MPDZ: variants seen among roughly 807,000 people sequenced by gnomAD.
The protein encoded by MPDZ is multiple PDZ domain protein.
MPDZ carries 234 observed loss-of-function variants against 239.1 expected under a neutral mutation model. That is an observed-to-expected ratio of 0.98 (90% confidence interval 0.88 to 1.09). MPDZ has a LOEUF of 1.09. Ranked by LOEUF, MPDZ falls within the 50% of genes least tolerant of loss-of-function variation. The pLI, the probability that MPDZ is intolerant of heterozygous loss-of-function variation, is 0.00. For missense variants in MPDZ, 3,175 were observed against 2,510.0 expected (o/e 1.26, Z -5.66); for synonymous variants, 1,048 against 881.3 (o/e 1.19, Z -3.35).
Position 13,110,712 on chromosome 9 carries a change from C to T in MPDZ, c.5753G>A (p.Gly1918Asp), listed in dbSNP as rs751005173. ...GTGAGTCATGCCCTCAGTGGATGTGCCACAGATGGTGACAATCCTATCCCC... is the reference window on the plus strand; with the variant it reads ...GTGAGTCATGCCCTCAGTGGATGTGTCACAGATGGTGACAATCCTATCCCC... ...RVGDRIVTIC[G>D]TSTEGMTHTQ... is the part of the protein sequence containing the mutation. The change falls in exon 44 of 47, where the codon GGC (glycine) becomes GAC (aspartate). Residue 1918 changes from glycine (G) to aspartate (D), a missense_variant. Transcript: ENST00000319217. 2 of 1,613,348 alleles carry T rather than the reference C, an allele frequency of 1.2e-6. No individual in the cohort carries two copies. Among genetic ancestry groups the T allele is most frequent in the Non-Finnish European group, 1.7e-6 (2 of 1,179,636 alleles).
At chr9:13,220,167 C>G (rs1958914176) in intron 7 of MPDZ, among the ~76,000 whole-genome samples, 1 of 151,842 alleles carries the variant, frequency 6.6e-6, no homozygotes. Flanking sequence ...TGGTATAAAC[C>G]ACAAGAAAGC....
intron 1 of MPDZ, among the ~76,000 whole-genome samples, chr9:13,266,950 C>T (rs1256114634): frequency 3.3e-5 from 5 of 152,102 alleles, no homozygotes; most frequent in South Asian, 4.1e-4. Flanking sequence ...CATATCATTT[C>T]GCTGATGTAA....
At chr9:13,224,845 G>A (rs1960022722) in intron 3 of MPDZ, among the ~76,000 whole-genome samples, 2 of 151,972 alleles carry the variant, frequency 1.3e-5, no homozygotes, top group African/African-American at 2.4e-5. Context: ...CAACTTCAGG[G>A]TACTCATTAA....
chr9:13,118,923 G>C (rs535686162), intron 39 of MPDZ, among the ~76,000 whole-genome samples: 420 of 152,242 alleles, frequency 2.8e-3, no homozygotes, highest in South Asian at 8.3e-3. Context: ...ATAATCCCCA[G>C]TGAAGGTACT....
At position 13,110,023 on chromosome 9, in the gene MPDZ, C is replaced by T; in HGVS notation, c.5871G>A (p.Gln1957=). 2 of 1,613,352 alleles carry T rather than the reference C, an allele frequency of 1.2e-6. No individual in the cohort carries two copies. Among genetic ancestry groups the T allele is most frequent in the East Asian group, 2.2e-5 (1 of 44,856 alleles). The stretch of plus-strand genomic sequence containing the variant: ...AAAGACTGGAACTTGCAGGCTCCTG[C>T]TGATGACCTGTGACCACACTCACGT... The part of the protein sequence containing the change: ...GGDVSVVTGH[Q]QEPASSSLSF... Residue 1957 remains glutamine (Q), a synonymous_variant, in exon 45 of 47, where the codon CAG becomes CAA. Coordinates refer to ENST00000319217, the MANE Select transcript of MPDZ (RefSeq NM_001378778.1).
chr9:13,177,074 C>T (rs932486541), intron 19 of MPDZ, among the ~76,000 whole-genome samples: 5 of 152,054 alleles, frequency 3.3e-5, no homozygotes, highest in Non-Finnish European at 7.4e-5. Flanking sequence ...ATCACAGAAC[C>T]TCTCTTTATA....
chr9:13,226,609 C>T (rs778617214), intron 3 of MPDZ, among the ~76,000 whole-genome samples: 13 of 152,088 alleles, frequency 8.5e-5, no homozygotes, highest in African/African-American at 2.7e-4. Context: ...AGTCCTCCTT[C>T]GCATTCCTAT....
At chr9:13,217,551 G>A (rs924167616) in intron 8 of MPDZ, among the ~76,000 whole-genome samples, 3 of 151,704 alleles carry the variant, frequency 2.0e-5, no homozygotes, top group African/African-American at 7.3e-5. Context: ...TATTGTTTGC[G>A]TACAATAAAT....
At chr9:13,116,575 T>C (rs532630819) in intron 39 of MPDZ, among the ~76,000 whole-genome samples, 4 of 152,162 alleles carry the variant, frequency 2.6e-5, no homozygotes, top group Non-Finnish European at 5.9e-5. Flanking sequence ...TTGGGGTTTC[T>C]TACCAAACTC....
intron 6 of MPDZ, among the ~76,000 whole-genome samples, chr9:13,221,787 A>G (rs1959136162): frequency 6.6e-6 from 1 of 152,016 alleles, no homozygotes; most frequent in Non-Finnish European, 1.5e-5. Context: ...ACTTCTTTAA[A>G]AAAAAAGAAA....
At chr9:13,189,107 T>C in intron 16 of MPDZ, 114 bp from the exon 17 acceptor site, 1 of 850,414 alleles carries the variant, frequency 1.2e-6, no homozygotes, top group Non-Finnish European at 1.8e-6. Flanking sequence ...TTTAAAAATT[T>C]TCATGCCAAA....
At chr9:13,114,528 G>C (rs1223533766) in intron 40 of MPDZ, among the ~76,000 whole-genome samples, 1 of 152,134 alleles carries the variant, frequency 6.6e-6, no homozygotes, top group African/African-American at 2.4e-5. Flanking sequence ...TTTATACATG[G>C]TGCTGAGTAT....
rs1954108895 is a variant in MPDZ at position 13,186,373 on chromosome 9, T to C, written c.2378A>G (p.Glu793Gly). The change falls in exon 18 of 47, where the codon GAA becomes GGA. Residue 793 changes from glutamate to glycine, a missense_variant. Glu to Gly is a moderately conservative substitution (Grantham distance 98). Coordinates refer to ENST00000319217, the MANE Select transcript of MPDZ (RefSeq NM_001378778.1). ...VAKPLPLSPE[E>G]GYVSAKEDSF... ...ATCCTCCTTAGCAGAAACATAACCTTCTTCTGGTGAAAGCTGCAGGGAAAA... is the reference window on the plus strand; with the variant it reads ...ATCCTCCTTAGCAGAAACATAACCTCCTTCTGGTGAAAGCTGCAGGGAAAA... The C allele has an allele frequency of 3.2e-6, 5 of 1,575,252 alleles. No homozygotes were observed. The highest frequency in any genetic ancestry group is 3.5e-6 in the Non-Finnish European group (4 of 1,158,792).
intron 19 of MPDZ, among the ~76,000 whole-genome samples, chr9:13,181,209 G>C (rs1305036552): frequency 6.6e-6 from 1 of 152,136 alleles, no homozygotes; most frequent in South Asian, 2.1e-4. Flanking sequence ...AATCAAGATA[G>C]AGGCATCTTT....
intron 28 of MPDZ, 101 bp downstream of exon 28, chr9:13,139,886 A>C (rs1947379503): frequency 7.3e-7 from 1 of 1,362,534 alleles, no homozygotes; most frequent in African/African-American, 1.4e-5. Flanking sequence ...TATATATCAC[A>C]AAGCTGCAAC....
intron 15 of MPDZ, 25 bp downstream of exon 15, chr9:13,192,106 A>G (rs1219996508): frequency 1.3e-6 from 2 of 1,553,618 alleles, no homozygotes; most frequent in Non-Finnish European, 8.7e-7. Flanking sequence ...TATGTAGGTT[A>G]GCCTCATGTA....
rs1944954919 is a variant in MPDZ at position 13,125,297 on chromosome 9, C to T, written c.4726G>A (p.Ala1576Thr). 3 of 1,613,846 alleles carry T rather than the reference C, an allele frequency of 1.9e-6. No individual in the cohort carries two copies. Among genetic ancestry groups the T allele is most frequent in the African/African-American group, 1.3e-5 (1 of 75,066 alleles). ...CTGTTCTTTTTTTCTCCACTGGCTGCACCAGCTGCTGAAGGAACAGCCTGG... is the reference window on the plus strand; with the variant it reads ...CTGTTCTTTTTTTCTCCACTGGCTGTACCAGCTGCTGAAGGAACAGCCTGG... ...DSQAVPSAAG[A>T]ASGEKKNSSQ... Residue 1576 changes from alanine to threonine, a missense_variant, in exon 35 of 47, where the codon GCA (alanine) becomes ACA (threonine). Coordinates refer to ENST00000319217, the MANE Select transcript of MPDZ (RefSeq NM_001378778.1).
At chr9:13,143,629 A>AGC in intron 26 of MPDZ, 65 bp from the exon 27 acceptor site, 1 of 1,261,006 alleles carries the variant, frequency 7.9e-7, no homozygotes, top group Non-Finnish European at 1.2e-6. Context: ...CAGTTTTAAA[A>AGC]GCAAAGTACA....
At chr9:13,211,580 TA>T (rs1490886955) in intron 10 of MPDZ, among the ~76,000 whole-genome samples, 1 of 152,050 alleles carries the variant, frequency 6.6e-6, no homozygotes, top group African/African-American at 2.4e-5. Context: ...ATCTAAATAA[TA>T]GTATTACAGC....
Sources: gnomAD v4.1 joint callset for allele counts (sites outside exome capture counted in the v4.1 genomes callset) on GRCh38, gnomAD v4.1.1 for gene constraint, MANE v1.5 for transcripts, NCBI Gene and HGNC (gene_info 2026-07-23, HGNC 2026-07-21) for gene names.